Variants in OPHN1 observed in about 807,000 individuals in gnomAD.
OPHN1 encodes the protein oligophrenin 1, also known as oligophrenin-1.
Under a neutral mutation model 60.7 loss-of-function variants are expected in OPHN1, and 11 were observed. The observed-to-expected ratio is 0.18, with a 90% CI of 0.11 to 0.30. The LOEUF (loss-of-function observed/expected upper bound fraction) is 0.30, where lower values mean the gene tolerates loss of function less well. Among genes scored for constraint, OPHN1 ranks in the 10% least tolerant of loss-of-function variants. The pLI, the probability that OPHN1 is intolerant of heterozygous loss-of-function variation, is 1.00. For missense variants in OPHN1, 449 were observed against 611.0 expected, an observed-to-expected ratio of 0.73 and a Z score of 2.80; for synonymous variants, 226 against 222.6, an observed-to-expected ratio of 1.02 and a Z score of -0.14.
At chrX:68,175,736 C>T (rs1487054807) in intron 15 of OPHN1, among the ~76,000 whole-genome samples, 1 of 111,855 alleles carries the variant, frequency 8.9e-6, no homozygotes, top group Non-Finnish European at 1.9e-5. Context: ...TCTCCTTCTC[C>T]TGGGAAATAT....
At chrX:68,322,758 G>T (rs940547433) in intron 2 of OPHN1, among the ~76,000 whole-genome samples, 1 of 111,690 alleles carries the variant, frequency 9.0e-6, no homozygotes, top group African/African-American at 3.3e-5. Context: ...TTGCACTCCA[G>T]CCTGGTTGAA....
rs187993689 is a variant in OPHN1, at chrX:68,401,784, A to G, written c.154+31083T>C. Among the ~76,000 whole-genome samples, 253 of 111,822 alleles carry G rather than the reference A, an allele frequency of 2.3e-3. 1 individual carries two copies. The highest frequency in any genetic ancestry group is 0.014 in the Middle Eastern group (3 of 218). Reference sequence around the variant, plus strand: ...AGATGTATGGGGGTAAGAGCATTCCAGGAAAAAAGAATGGCCTGAGCAAAA... The same window carrying G: ...AGATGTATGGGGGTAAGAGCATTCCGGGAAAAAAGAATGGCCTGAGCAAAA... On this transcript the variant is annotated intron_variant, in intron 2 of 24. Transcript: ENST00000355520.
chrX:68,256,866 T>C (rs2077866399), intron 5 of OPHN1, among the ~76,000 whole-genome samples: 1 of 110,050 alleles, frequency 9.1e-6, no homozygotes, highest in African/African-American at 3.3e-5. Flanking sequence ...ACCCCGTCTC[T>C]ACTAAAATTA....
At chrX:68,308,794 T>C (rs1357759583) in intron 2 of OPHN1, among the ~76,000 whole-genome samples, 2 of 109,604 alleles carry the variant, frequency 1.8e-5, no homozygotes, top group Non-Finnish European at 3.8e-5. Flanking sequence ...TTTTTTTGTT[T>C]TTTGAGACAG....
chrX:68,157,467 T>C (rs1213785214), intron 15 of OPHN1, among the ~76,000 whole-genome samples: 2 of 111,888 alleles, frequency 1.8e-5, no homozygotes, highest in Non-Finnish European at 3.8e-5. Context: ...TTAAGCGAAC[T>C]AATGCGGGAA....
chrX:68,160,414 C>T (rs752887349), intron 15 of OPHN1, among the ~76,000 whole-genome samples: 4 of 111,043 alleles, frequency 3.6e-5, no homozygotes, highest in African/African-American at 1.3e-4. Context: ...CATTAATAGG[C>T]CTATAAACTA....
chrX:68,422,067 C>G (rs2078828674), intron 2 of OPHN1, among the ~76,000 whole-genome samples: 1 of 110,964 alleles, frequency 9.0e-6, no homozygotes, highest in African/African-American at 3.3e-5. Flanking sequence ...CAACCAGACC[C>G]TAATTAAACT....
intron 23 of OPHN1, among the ~76,000 whole-genome samples, chrX:68,050,700 T>C (rs1327368346): frequency 3.6e-5 from 4 of 112,209 alleles, no homozygotes; most frequent in African/African-American, 9.7e-5. Context: ...AACTCATATA[T>C]CACCTCCTCT....
chrX:68,189,029 T>C (rs762092162), intron 15 of OPHN1, among the ~76,000 whole-genome samples: 2 of 112,434 alleles, frequency 1.8e-5, no homozygotes, highest in African/African-American at 6.5e-5. Flanking sequence ...TACAAGTGAC[T>C]TGTTACTTCA....
intron 19 of OPHN1, among the ~76,000 whole-genome samples, chrX:68,078,051 A>G (rs967645684): frequency 9.0e-6 from 1 of 111,702 alleles, no homozygotes; most frequent in Non-Finnish European, 1.9e-5. Context: ...AATGTACATG[A>G]GTATTTGTCT....
Position 68,042,498 on chromosome X carries a change from C to T in OPHN1, c.*4674G>A, listed in dbSNP as rs1047975312. 2.7e-5 allele frequency: 3 copies of T among 111,366 alleles called. No individual in the cohort carries two copies. 9.2% of individuals were successfully genotyped at this position (111,366 alleles called of 1,213,427 possible). ...TTGGCATCAAGTGCTTCATTTCCCC[C>T]AGGAAAATGAAGGCTTTTCTTTATC... On this transcript the variant is annotated 3_prime_UTR_variant, in exon 25 of 25. Transcript: ENST00000355520.
chrX:68,112,095 AGATTCG>A, intron 17 of OPHN1, 136 bp from the exon 18 acceptor site: 1 of 439,642 alleles, frequency 2.3e-6, no homozygotes, highest in Non-Finnish European at 4.0e-6. Flanking sequence ...ACACAGAGAG[AGATTCG>A]GAGAAAGACA....
chrX:68,054,565 C>CA (rs913760355), intron 21 of OPHN1, among the ~76,000 whole-genome samples: 16 of 109,009 alleles, frequency 1.5e-4, no homozygotes, highest in African/African-American at 3.7e-4. Context: ...GGCAAAAAAA[C>CA]AAAAAAACAA....
At chrX:68,320,661 C>G (rs989986833) in intron 2 of OPHN1, among the ~76,000 whole-genome samples, 4 of 110,196 alleles carry the variant, frequency 3.6e-5, no homozygotes, top group Non-Finnish European at 7.6e-5. Context: ...GCAGTGGACA[C>G]CAGCTGGGCA....
rs1309866778 is a variant in OPHN1, at chrX:68,044,840, C to A, written c.*2332G>T. 5 of 112,773 alleles carry A rather than the reference C, an allele frequency of 4.4e-5. No homozygotes were observed. The highest frequency in any genetic ancestry group is 9.4e-5 in the Non-Finnish European group (5 of 53,364). 9.3% of individuals were successfully genotyped at this position (112,773 alleles called of 1,213,427 possible). ...CCCTTGATCTGTGTCCCAGGCAACA[C>A]ACAGCAATCTCATGACATTTCTGGG... On this transcript the variant is annotated 3_prime_UTR_variant, in exon 25 of 25. Coordinates refer to ENST00000355520, the MANE Select transcript of OPHN1 (RefSeq NM_002547.3).
intron 5 of OPHN1, among the ~76,000 whole-genome samples, chrX:68,237,699 T>A (rs2077759448): frequency 8.9e-6 from 1 of 112,108 alleles, no homozygotes; most frequent in African/African-American, 3.2e-5. Context: ...TAAAATTTAT[T>A]TTTATATACT....
intron 2 of OPHN1, among the ~76,000 whole-genome samples, chrX:68,366,063 A>G (rs1270983745): frequency 9.1e-6 from 1 of 109,774 alleles, no homozygotes; most frequent in South Asian, 4.0e-4. Flanking sequence ...ACAGTGAGAC[A>G]TAACAGAATA....
intron 15 of OPHN1, among the ~76,000 whole-genome samples, chrX:68,123,355 G>A (rs2077157523): frequency 8.9e-6 from 1 of 111,892 alleles, no homozygotes; most frequent in Non-Finnish European, 1.9e-5. Flanking sequence ...AGAAAGAGAA[G>A]AACAGTAATG....
chrX:68,405,378 C>T (rs112777691), intron 2 of OPHN1, among the ~76,000 whole-genome samples: 2,544 of 111,329 alleles, frequency 0.023, 77 homozygotes, highest in African/African-American at 0.076. Flanking sequence ...TTTTTTAGAG[C>T]GGAGGTCTCA....
Sources: allele counts gnomAD v4.1 joint callset (sites outside exome capture counted in the v4.1 genomes callset), GRCh38; gene constraint gnomAD v4.1.1; transcripts MANE v1.5; gene names NCBI Gene and HGNC (gene_info 2026-07-23, HGNC 2026-07-21).